AUTS2: variants seen among roughly 807,000 people sequenced by gnomAD.
The protein encoded by AUTS2 is activator of transcription and developmental regulator AUTS2.
In AUTS2, 17 loss-of-function variants were observed where a neutral mutation model predicts 112.4. That is an observed-to-expected ratio of 0.15 (90% CI 0.10 to 0.23). AUTS2 has a LOEUF of 0.23. AUTS2 is among the 10% of genes least tolerant of loss of function. AUTS2 has a pLI of 1.00. For synonymous variants in AUTS2, 751 were observed against 702.7 expected, an observed-to-expected ratio of 1.07 and a Z score of -1.09; for missense variants, 1,510 against 1,701.6, an observed-to-expected ratio of 0.89 and a Z score of 1.98.
At position 69,807,009 on chromosome 7, in the gene AUTS2, A is replaced by G. The variant is rs1054361257; in HGVS notation, c.310-92277A>G. ...TAGCTGGAAATTTTAAACGTGTAGC[A>G]AGTGTGGCCAGCTTGCTCTTGTAAT... On this transcript the variant is annotated intron_variant, in intron 1 of 18. Coordinates refer to ENST00000342771, the MANE Select transcript of AUTS2 (RefSeq NM_015570.4). 1.3e-4 allele frequency among the ~76,000 whole-genome samples: 20 copies of G among 152,082 alleles called. 1 individual carries two copies. The highest frequency in any genetic ancestry group is 4.8e-4 in the African/African-American group (20 of 41,406).
At chr7:70,179,909 A>T (rs1443664519) in intron 4 of AUTS2, among the ~76,000 whole-genome samples, 1 of 152,148 alleles carries the variant, frequency 6.6e-6, no homozygotes, top group Non-Finnish European at 1.5e-5. Flanking sequence ...CCTTTTGTGT[A>T]ATTCCCATGG....
intron 4 of AUTS2, among the ~76,000 whole-genome samples, chr7:70,324,836 G>A (rs1417673935): frequency 2.0e-5 from 3 of 152,216 alleles, no homozygotes; most frequent in Non-Finnish European, 4.4e-5. Context: ...GTTGCTATGT[G>A]TATATTTTTT....
At chr7:70,725,427 TGAG>T (rs1786970511) in intron 6 of AUTS2, among the ~76,000 whole-genome samples, 3 of 152,200 alleles carry the variant, frequency 2.0e-5, no homozygotes, top group South Asian at 4.1e-4. Flanking sequence ...GGGCAACTGT[TGAG>T]GAGAATTATG....
At chr7:70,708,573 G>A (rs542769802) in intron 6 of AUTS2, among the ~76,000 whole-genome samples, 1 of 151,324 alleles carries the variant, frequency 6.6e-6, no homozygotes, top group African/African-American at 2.4e-5. Context: ...TGGTATAATA[G>A]CAAACTCACT....
intron 4 of AUTS2, chr7:70,291,410 A>G (rs748327152): frequency 1.3e-5 from 2 of 152,232 alleles, no homozygotes; most frequent in Non-Finnish European, 2.9e-5. Context: ...CCATCTCACG[A>G]AGTTGCACAG....
At chr7:69,716,498 G>A (rs1053420613) in intron 1 of AUTS2, among the ~76,000 whole-genome samples, 1 of 152,098 alleles carries the variant, frequency 6.6e-6, no homozygotes, top group African/African-American at 2.4e-5. Context: ...CTTATTCTCA[G>A]TCACTTCACA....
intron 5 of AUTS2, among the ~76,000 whole-genome samples, chr7:70,636,064 G>A (rs1805519325): frequency 6.6e-6 from 1 of 152,232 alleles, no homozygotes; most frequent in African/African-American, 2.4e-5. Flanking sequence ...CCAAGTAGAT[G>A]TGGGCCTCTT....
Position 70,580,754 on chromosome 7 carries a change from A to G in AUTS2, c.691-117815A>G, listed in dbSNP as rs555390498. Among the ~76,000 whole-genome samples, 3 of 152,332 alleles carry G rather than the reference A, an allele frequency of 2.0e-5. No homozygotes were observed. In the East Asian group the frequency reaches 5.8e-4, roughly 29 times the overall value. On this transcript the variant is annotated intron_variant, in intron 5 of 18. Coordinates refer to ENST00000342771, the MANE Select transcript of AUTS2 (RefSeq NM_015570.4). ...CTTCAAGGCAAATGGAAGAACAAAT[A>G]GATGTTCCAGTGTCTAGGCCCAGAA...
chr7:70,004,759 A>C (rs1799466787), intron 2 of AUTS2, among the ~76,000 whole-genome samples: 1 of 151,958 alleles, frequency 6.6e-6, no homozygotes, highest in Non-Finnish European at 1.5e-5. Context: ...CAGTTTCCTC[A>C]TCTATAAAAT....
At position 70,766,211 on chromosome 7, in the gene AUTS2, C is replaced by T. The variant is rs560203960; in HGVS notation, c.1566C>T (p.Thr522=). ...TGGGCCCTCCGCCCTACCTGCGGAC[C>T]GAGTTCCATCAGCACCAGCACCAGC... is the stretch of plus-strand genomic sequence containing the variant. ...ASLGPPPYLR[T]EFHQHQHQHQ... Residue 522 remains threonine (T), a synonymous_variant, in exon 9 of 19, where the codon ACC becomes ACT. Coordinates refer to ENST00000342771, the MANE Select transcript of AUTS2 (RefSeq NM_015570.4). The surrounding 1 kb of genome is among the most constrained non-coding windows in gnomAD (Gnocchi z 4.8). 366 of 1,614,126 alleles carry T rather than the reference C, an allele frequency of 2.3e-4. 6 individuals carry two copies. The South Asian group carries it at 3.7e-3, about 17-fold the overall frequency.
chr7:69,655,829 G>A (rs973785416), intron 1 of AUTS2, among the ~76,000 whole-genome samples: 2 of 152,192 alleles, frequency 1.3e-5, no homozygotes, highest in Non-Finnish European at 2.9e-5. Context: ...GCAGTAGCTT[G>A]TTACTAGCCT....
intron 1 of AUTS2, among the ~76,000 whole-genome samples, chr7:69,648,454 T>A (rs1188509283): frequency 1.4e-4 from 20 of 141,482 alleles, no homozygotes; most frequent in Admixed American, 2.8e-4. Context: ...TCAGTAACTT[T>A]AAAAAAAAAA....
chr7:69,633,474 T>G (rs897067713), intron 1 of AUTS2, among the ~76,000 whole-genome samples: 1 of 152,216 alleles, frequency 6.6e-6, no homozygotes, highest in African/African-American at 2.4e-5. Context: ...GAAGAGAGAT[T>G]GCTGGGTCAT....
At chr7:70,371,839 C>T (rs923014390) in intron 4 of AUTS2, among the ~76,000 whole-genome samples, 1 of 152,098 alleles carries the variant, frequency 6.6e-6, no homozygotes. Flanking sequence ...CTATGCAAAC[C>T]TTGACCTTTG....
chr7:70,749,283 C>T (rs1373868769), intron 6 of AUTS2, among the ~76,000 whole-genome samples: 2 of 152,112 alleles, frequency 1.3e-5, no homozygotes, highest in East Asian at 3.9e-4. Context: ...TGCTGAGGCT[C>T]TTTAACCCTC....
At chr7:69,678,863 G>A (rs1310347346) in intron 1 of AUTS2, among the ~76,000 whole-genome samples, 1 of 152,208 alleles carries the variant, frequency 6.6e-6, no homozygotes, top group African/African-American at 2.4e-5. Flanking sequence ...CAGGGACATG[G>A]CTTAGAAGAG....
At chr7:70,056,680 A>T (rs1355521781) in intron 2 of AUTS2, among the ~76,000 whole-genome samples, 2 of 152,200 alleles carry the variant, frequency 1.3e-5, no homozygotes, top group African/African-American at 4.8e-5. Context: ...GGCCCTGAGC[A>T]TGAAGAATGG....
intron 5 of AUTS2, among the ~76,000 whole-genome samples, chr7:70,628,045 C>T (rs574678355): frequency 3.3e-5 from 5 of 152,130 alleles, no homozygotes; most frequent in African/African-American, 7.2e-5. Flanking sequence ...GAGGTGTGCA[C>T]GAAGGTGGCT....
chr7:69,770,334 G>A (rs771223785), intron 1 of AUTS2, among the ~76,000 whole-genome samples: 4 of 152,232 alleles, frequency 2.6e-5, no homozygotes, highest in Non-Finnish European at 5.9e-5. Context: ...TAGCAAATGC[G>A]TATAATGTGT....
Sources: allele counts gnomAD v4.1 joint callset (sites outside exome capture counted in the v4.1 genomes callset), GRCh38; gene constraint gnomAD v4.1.1; non-coding constraint Gnocchi (gnomAD v3.1); transcripts MANE v1.5; gene names NCBI Gene and HGNC (gene_info 2026-07-23, HGNC 2026-07-21).